The following LSMEM1 variants were observed in gnomAD, a reference collection of about 807,000 sequenced individuals.
LSMEM1 encodes the protein leucine-rich single-pass membrane protein 1.
LSMEM1 carries 10 observed loss-of-function variants against 11.3 expected under a neutral mutation model. The ratio of observed to expected loss-of-function variants is 0.89; its 90% confidence interval spans 0.55 to 1.50. The LOEUF is 1.50. Ranked by LOEUF, LSMEM1 falls within the 40% of genes most tolerant of loss-of-function variation. The pLI is 0.00. For missense variants in LSMEM1, 151 were observed against 152.9 expected, an observed-to-expected ratio of 0.99 and a Z score of 0.06; for synonymous variants, 65 against 59.3, an observed-to-expected ratio of 1.10 and a Z score of -0.44.
At chr7:112,485,031 T>TGGG in intron 2 of LSMEM1, 88 bp downstream of exon 2, 199 of 1,198,808 alleles carry the variant, frequency 1.7e-4, no homozygotes, top group Non-Finnish European at 2.0e-4. Flanking sequence ...GTGGGTGTGG[T>TGGG]GGAGGGGGAG....
chr7:112,488,237 G>A (rs1796174825), intron 3 of LSMEM1, among the ~76,000 whole-genome samples: 1 of 152,168 alleles, frequency 6.6e-6, no homozygotes, highest in African/African-American at 2.4e-5. Flanking sequence ...TTGCAAACTT[G>A]CATCTGATGA....
rs371665137 is a variant in LSMEM1 at position 112,488,459 on chromosome 7, A to G, written c.257-1351A>G. Among the ~76,000 whole-genome samples the G allele has an allele frequency of 7.9e-5, 12 of 152,248 alleles. No individual in the cohort carries two copies. The East Asian group carries it at 2.1e-3, about 27-fold the overall frequency. On this transcript the variant is annotated intron_variant, in intron 3 of 3. Coordinates refer to ENST00000312849, the MANE Select transcript of LSMEM1 (RefSeq NM_182597.3). The stretch of plus-strand genomic sequence containing the variant: ...CTGCCAAATTCTTTTTTTCTGTGAG[A>G]TAAGTAGCAAGATTGAGGGAAATAA...
intron 1 of LSMEM1, among the ~76,000 whole-genome samples, chr7:112,481,823 A>C (rs1796038172): frequency 6.6e-6 from 1 of 152,220 alleles, no homozygotes; most frequent in Admixed American, 6.5e-5. Flanking sequence ...AGGTATAAGA[A>C]AGGGTTCTGT....
intron 2 of LSMEM1, among the ~76,000 whole-genome samples, chr7:112,485,903 G>C (rs757746438): frequency 6.6e-6 from 1 of 151,200 alleles, no homozygotes; most frequent in Non-Finnish European, 1.5e-5. Context: ...TTTCTGCGTT[G>C]CTTATTCACT....
chr7:112,483,703 T>A (rs1443942447), intron 1 of LSMEM1: 2 of 152,142 alleles, frequency 1.3e-5, no homozygotes, highest in East Asian at 3.9e-4. Flanking sequence ...AAAGCAAGAC[T>A]CATTGAATGC....
At position 112,489,866 on chromosome 7, in the gene LSMEM1, G is replaced by A. The variant is rs1309545035; in HGVS notation, c.313G>A (p.Asp105Asn). The A allele has an allele frequency of 6.2e-7, 1 of 1,614,102 alleles. No individual in the cohort carries two copies. Among genetic ancestry groups the A allele is most frequent in the Non-Finnish European group, 8.5e-7 (1 of 1,179,980 alleles). ...VSRRLTAEGKDIDDLKRINNM... is the reference protein window; with the variant it reads ...VSRRLTAEGKNIDDLKRINNM... ...AAGAAGACTAACAGCTGAAGGAAAAGACATAGATGATCTTAAGAGAATCAA... is the reference window on the plus strand; with the variant it reads ...AAGAAGACTAACAGCTGAAGGAAAAAACATAGATGATCTTAAGAGAATCAA... The change falls in exon 4 of 4, where the codon GAC (aspartate) becomes AAC (asparagine). Residue 105 changes from aspartate (D) to asparagine (N), a missense_variant. Transcript: ENST00000312849.
Position 112,484,961 on chromosome 7 carries a change from G to A in LSMEM1, c.127+18G>A, listed in dbSNP as rs1267623304. 1 of 1,605,144 alleles carries A rather than the reference G, an allele frequency of 6.2e-7. No homozygotes were observed. The highest frequency in any genetic ancestry group is 1.1e-5 in the South Asian group (1 of 90,046). On this transcript the variant is annotated intron_variant, in intron 2 of 3. Transcript: ENST00000312849. ...TCTGTTCCGTATGTGTGCTGGGGAA[G>A]GCACAGCAGCCCTTCCTAGCTTCTA...
At chr7:112,486,836 G>C in intron 2 of LSMEM1, 87 bp from the exon 3 acceptor site, 1 of 1,551,656 alleles carries the variant, frequency 6.4e-7, no homozygotes, top group Non-Finnish European at 8.7e-7. Context: ...CATTACTCAC[G>C]GTCTAACACT....
chr7:112,481,682 C>T (rs945868107), intron 1 of LSMEM1, among the ~76,000 whole-genome samples: 1 of 152,162 alleles, frequency 6.6e-6, no homozygotes, highest in Admixed American at 6.5e-5. Context: ...GGCAATTTTT[C>T]ATAGACAATT....
upstream of LSMEM1, among the ~76,000 whole-genome samples, chr7:112,480,583 T>C (rs1279510232): frequency 2.0e-5 from 3 of 152,202 alleles, no homozygotes; most frequent in Non-Finnish European, 4.4e-5. Flanking sequence ...CCTTGGCATG[T>C]ATGTGAGGGA....
rs1216310579 is a variant in LSMEM1 at position 112,490,753 on chromosome 7, T to C, written c.*804T>C. ...ATTGATTTGGAAGAAATCTGATAGA[T>C]TTGTGGCCTTTCCTAAATTGCACTA... On this transcript the variant is annotated 3_prime_UTR_variant, in exon 4 of 4. Coordinates refer to ENST00000312849, the MANE Select transcript of LSMEM1 (RefSeq NM_182597.3). The C allele has an allele frequency of 6.6e-6, 1 of 152,226 alleles. No individual in the cohort carries two copies. Among genetic ancestry groups the C allele is most frequent in the Non-Finnish European group, 1.5e-5 (1 of 68,038 alleles). The allele number at this position is 152,226 out of a possible 1,614,324, so 9.4% of individuals were successfully genotyped here.
chr7:112,485,032 GGA>G, intron 2 of LSMEM1, 89 bp downstream of exon 2: 3 of 1,376,210 alleles, frequency 2.2e-6, no homozygotes, highest in Non-Finnish European at 2.9e-6. Context: ...TGGGTGTGGT[GGA>G]GGGGGAGGGG....
At chr7:112,486,335 A>G in intron 2 of LSMEM1, 1 of 449,178 alleles carries the variant, frequency 2.2e-6, no homozygotes, top group Admixed American at 2.4e-5. Flanking sequence ...ACAAAAATTC[A>G]TGTTCTGCTA....
chr7:112,489,859 A>G lies in LSMEM1; in HGVS notation c.306A>G (p.Glu102=), dbSNP rs1163737610. 1 of 1,614,144 alleles carries G rather than the reference A, an allele frequency of 6.2e-7. No homozygotes were observed. Among genetic ancestry groups the G allele is most frequent in the Admixed American group, 1.7e-5 (1 of 60,012 alleles). Residue 102 remains glutamate (E), a synonymous_variant, in exon 4 of 4, where the codon GAA becomes GAG. Transcript: ENST00000312849. ...MDDVSRRLTA[E]GKDIDDLKRI... is the part of the protein sequence containing the mutation. ...ATGTGTCAAGAAGACTAACAGCTGAAGGAAAAGACATAGATGATCTTAAGA... is the reference window on the plus strand; with the variant it reads ...ATGTGTCAAGAAGACTAACAGCTGAGGGAAAAGACATAGATGATCTTAAGA...
At chr7:112,484,200 T>A (rs995018418) in intron 1 of LSMEM1, among the ~76,000 whole-genome samples, 1 of 152,214 alleles carries the variant, frequency 6.6e-6, no homozygotes, top group African/African-American at 2.4e-5. Flanking sequence ...TCTTGGGGAC[T>A]CACAGTCAGC....
At position 112,484,943 on chromosome 7, in the gene LSMEM1, C is replaced by T. The variant is rs758736439; in HGVS notation, c.127C>T (p.Pro43Ser). 5.4e-5 allele frequency: 86 copies of T among 1,606,610 alleles called. 1 individual carries two copies. The highest frequency in any genetic ancestry group is 6.8e-5 in the Non-Finnish European group (80 of 1,175,494). The change falls in exon 2 of 4, where the codon CCT becomes TCT. Residue 43 changes from proline (P) to serine (S), a missense_variant and splice_region_variant. Transcript: ENST00000312849. ...LCPAGSQHLF[P>S]LEDKIPVLGT... is the part of the protein sequence containing the mutation. Reference sequence around the variant, plus strand: ...TCCAGCCGGATCGCAGCATCTGTTCCGTATGTGTGCTGGGGAAGGCACAGC... The same window carrying T: ...TCCAGCCGGATCGCAGCATCTGTTCTGTATGTGTGCTGGGGAAGGCACAGC...
Position 112,484,413 on chromosome 7 carries a change from T to A in LSMEM1, c.-5-399T>A, listed in dbSNP as rs186571256. ...CTTCTTGCACAAAGGATTTGAGGCA[T>A]CTCACCAGAATGTGAACAATGTAAT... On this transcript the variant is annotated intron_variant, in intron 1 of 3. Transcript: ENST00000312849. Among the ~76,000 whole-genome samples, 374 of 152,306 alleles carry A rather than the reference T, an allele frequency of 2.5e-3. 1 individual carries two copies. The highest frequency in any genetic ancestry group is 8.3e-3 in the African/African-American group (346 of 41,564).
At chr7:112,484,116 G>C (rs182744114) in intron 1 of LSMEM1, among the ~76,000 whole-genome samples, 1 of 152,308 alleles carries the variant, frequency 6.6e-6, no homozygotes, top group East Asian at 1.9e-4. Flanking sequence ...GGAAACCCAG[G>C]TGGAAGAGAT....
Position 112,490,029 on chromosome 7 carries a change from AAGTGC to A in LSMEM1, c.*82_*86del. 1 of 1,468,930 alleles carries A rather than the reference AAGTGC, an allele frequency of 6.8e-7. No homozygotes were observed. Among genetic ancestry groups the A allele is most frequent in the Non-Finnish European group, 9.1e-7 (1 of 1,097,486 alleles). 91.0% of individuals were successfully genotyped at this position (1,468,930 alleles called of 1,614,324 possible). Reference sequence around the variant, plus strand: ...GAGTGTACAGGGTTAGGAACTGAGAAAGTGCACTTCCTCAGGCAACAGATGATCTG... The same window carrying A: ...GAGTGTACAGGGTTAGGAACTGAGAAACTTCCTCAGGCAACAGATGATCTG... On this transcript the variant is annotated 3_prime_UTR_variant, in exon 4 of 4. Coordinates refer to ENST00000312849, the MANE Select transcript of LSMEM1 (RefSeq NM_182597.3).
Sources: gnomAD v4.1 joint callset for allele counts (sites outside exome capture counted in the v4.1 genomes callset) on GRCh38, gnomAD v4.1.1 for gene constraint, MANE v1.5 for transcripts, NCBI Gene and HGNC (gene_info 2026-07-23, HGNC 2026-07-21) for gene names.